The following CACNA2D1 variants were observed in gnomAD, a reference collection of about 807,000 sequenced individuals.
CACNA2D1 encodes the protein calcium voltage-gated channel auxiliary subunit alpha2delta 1.
In CACNA2D1, 53 loss-of-function variants were observed where a neutral mutation model predicts 171.5. The ratio of observed to expected loss-of-function variants is 0.31; its 90% CI spans 0.25 to 0.39. The LOEUF (loss-of-function observed/expected upper bound fraction) is 0.39. Ranked by LOEUF, CACNA2D1 falls within the 10% of genes least tolerant of loss-of-function variation. CACNA2D1 has a pLI of 1.00. For synonymous variants in CACNA2D1, 442 were observed against 443.1 expected, an observed-to-expected ratio of 1.00 and a Z score of 0.03; for missense variants, 903 against 1,299.8, an observed-to-expected ratio of 0.69 and a Z score of 4.69.
intron 4 of CACNA2D1, among the ~76,000 whole-genome samples, chr7:82,166,182 T>C (rs1228019212): frequency 1.3e-5 from 2 of 152,012 alleles, no homozygotes. Flanking sequence ...AATATCAACA[T>C]TTCAAAATAT....
At chr7:82,186,290 A>AAGGAAGGAAGGAAGGAAGGAAGGAAG (rs1797772703) in intron 3 of CACNA2D1, among the ~76,000 whole-genome samples, 92 of 112,398 alleles carry the variant, frequency 8.2e-4, no homozygotes, top group East Asian at 2.6e-3. Flanking sequence ...AAGGAAGGAA[A>AAGGAAGGAAGGAAGGAAGGAAGGAAG]GAAAGGTGGG....
At chr7:82,215,424 G>T (rs2189981) in intron 3 of CACNA2D1, among the ~76,000 whole-genome samples, 40,143 of 151,966 alleles carry the variant, frequency 0.26, 6,527 homozygotes, top group Non-Finnish European at 0.37. Flanking sequence ...AAACCGCAGG[G>T]TGTTTCAGTA....
At chr7:82,039,833 A>G (rs1034884221) in intron 10 of CACNA2D1, among the ~76,000 whole-genome samples, 4 of 152,200 alleles carry the variant, frequency 2.6e-5, no homozygotes, top group African/African-American at 7.2e-5. Flanking sequence ...AAACATAAAG[A>G]GAGTGAGTTT....
chr7:82,299,606 G>A (rs945748968), intron 3 of CACNA2D1, among the ~76,000 whole-genome samples: 9 of 151,198 alleles, frequency 6.0e-5, no homozygotes, highest in African/African-American at 2.2e-4. Flanking sequence ...GTTACACTGA[G>A]CTGAGATCAT....
chr7:82,413,498 C>G (rs983091519), intron 1 of CACNA2D1, among the ~76,000 whole-genome samples: 3 of 152,210 alleles, frequency 2.0e-5, no homozygotes, highest in African/African-American at 7.2e-5. Flanking sequence ...GGCTCTCAAG[C>G]CCCATCATTC....
chr7:82,232,850 C>T (rs1386395159), intron 3 of CACNA2D1, among the ~76,000 whole-genome samples: 3 of 94,882 alleles, frequency 3.2e-5, no homozygotes, highest in African/African-American at 1.3e-4. Context: ...GGCAACAGAG[C>T]GAGATGTCTC....
intron 3 of CACNA2D1, among the ~76,000 whole-genome samples, chr7:82,222,100 G>T (rs1397951988): frequency 6.6e-6 from 1 of 152,132 alleles, no homozygotes; most frequent in African/African-American, 2.4e-5. Flanking sequence ...GCAAAATGGG[G>T]TTTCTGCAGG....
intron 3 of CACNA2D1, among the ~76,000 whole-genome samples, chr7:82,263,321 G>T (rs914838512): frequency 1.3e-5 from 2 of 151,712 alleles, no homozygotes; most frequent in Admixed American, 6.6e-5. Context: ...ATAATGGCCC[G>T]GCTGGTCTCG....
At chr7:82,094,194 G>C (rs182197549) in intron 6 of CACNA2D1, among the ~76,000 whole-genome samples, 63 of 151,188 alleles carry the variant, frequency 4.2e-4, no homozygotes, top group African/African-American at 1.4e-3. Flanking sequence ...CTATAATCAA[G>C]AACAGTGACC....
At chr7:82,023,002 C>T (rs528735000) in intron 12 of CACNA2D1, among the ~76,000 whole-genome samples, 1 of 151,816 alleles carries the variant, frequency 6.6e-6, no homozygotes, top group Non-Finnish European at 1.5e-5. Context: ...TATTTCCTTA[C>T]TGGCTAGGCA....
chr7:82,257,605 T>C (rs143791953), intron 3 of CACNA2D1, among the ~76,000 whole-genome samples: 2 of 152,350 alleles, frequency 1.3e-5, no homozygotes, highest in African/African-American at 4.8e-5. Context: ...TCCAACACTA[T>C]GTAAACCATA....
chr7:82,443,413 G>C lies in CACNA2D1; in HGVS notation c.47C>G (p.Ser16Cys), dbSNP rs1274978372. ...LLALTLTLFQSLLIGPSSEEP... is the reference protein window; with the variant it reads ...LLALTLTLFQCLLIGPSSEEP... ...CTCCGACGAGGGGCCGATGAGCAAA[G>C]ATTGGAAAAGTGTCAGAGTCAAGGC... The change falls in exon 1 of 39, where the codon TCT (serine) becomes TGT (cysteine). Residue 16 changes from serine to cysteine, a missense_variant. Ser to Cys is a moderately radical substitution (Grantham distance 112). Coordinates refer to ENST00000356860, the MANE Select transcript of CACNA2D1 (RefSeq NM_000722.4). 1.2e-6 allele frequency: 2 copies of C among 1,607,076 alleles called. No homozygotes were observed. The highest frequency in any genetic ancestry group is 1.7e-6 in the Non-Finnish European group (2 of 1,176,536).
chr7:82,443,538 A>G lies in CACNA2D1; in HGVS notation c.-79T>C. 6.4e-7 allele frequency: 1 copy of G among 1,555,596 alleles called. No homozygotes were observed. The highest frequency in any genetic ancestry group is 1.9e-5 in the Admixed American group (1 of 51,898). On this transcript the variant is annotated 5_prime_UTR_variant, in exon 1 of 39. Coordinates refer to ENST00000356860, the MANE Select transcript of CACNA2D1 (RefSeq NM_000722.4). ...CGCTGGAAACCGCGGGCGGAGGAAG[A>G]GCAGCACACGCCGCCGGGACCGCGG...
At chr7:82,138,490 A>T (rs1791976842) in intron 4 of CACNA2D1, among the ~76,000 whole-genome samples, 2 of 136,316 alleles carry the variant, frequency 1.5e-5, no homozygotes, top group Non-Finnish European at 3.0e-5. Flanking sequence ...TGTGTCGCCC[A>T]GGCTGGAGTG....
rs780624106 is a variant in CACNA2D1 at position 82,443,484 on chromosome 7, C to G, written c.-25G>C. On this transcript the variant is annotated 5_prime_UTR_variant, in exon 1 of 39. Transcript: ENST00000356860. ...TCTTCGCGATCGAAGATCAATGCCCCCTCCCTGCCCAAGCGGGGGAAGGAG... is the reference window on the plus strand; with the variant it reads ...TCTTCGCGATCGAAGATCAATGCCCGCTCCCTGCCCAAGCGGGGGAAGGAG... The G allele has an allele frequency of 5.6e-6, 9 of 1,602,602 alleles. No homozygotes were observed. Among genetic ancestry groups the G allele is most frequent in the Admixed American group, 1.7e-5 (1 of 59,042 alleles).
At chr7:82,079,777 A>G (rs2129004139) in intron 7 of CACNA2D1, among the ~76,000 whole-genome samples, 1 of 152,110 alleles carries the variant, frequency 6.6e-6, no homozygotes, top group Non-Finnish European at 1.5e-5. Flanking sequence ...CAAGGGAGGA[A>G]GAGATGGGGA....
intron 6 of CACNA2D1, among the ~76,000 whole-genome samples, chr7:82,093,589 A>G (rs1422512923): frequency 6.6e-6 from 1 of 152,130 alleles, no homozygotes; most frequent in Non-Finnish European, 1.5e-5. Context: ...TTCAATTGCT[A>G]TAAGACAATG....
chr7:81,947,628 A>G lies in CACNA2D1; in HGVS notation c.*2764T>C, dbSNP rs1792141198. On this transcript the variant is annotated 3_prime_UTR_variant, in exon 39 of 39. Coordinates refer to ENST00000356860, the MANE Select transcript of CACNA2D1 (RefSeq NM_000722.4). ...ACTAACTACACTAAGCCACATGAGT[A>G]TAACAAAAATTAGTTAAAGCAGTGT... 6.6e-6 allele frequency: 1 copy of G among 152,008 alleles called. No individual in the cohort carries two copies. Among genetic ancestry groups the G allele is most frequent in the Non-Finnish European group, 1.5e-5 (1 of 67,888 alleles). 9.4% of individuals were successfully genotyped at this position (152,008 alleles called of 1,614,324 possible). A position where few individuals can be genotyped will look rare whatever the true frequency, so the allele number is the denominator to read the frequency against.
At chr7:82,286,801 T>C (rs2129387112) in intron 3 of CACNA2D1, among the ~76,000 whole-genome samples, 1 of 152,340 alleles carries the variant, frequency 6.6e-6, no homozygotes, top group Non-Finnish European at 1.5e-5. Flanking sequence ...TTTGCTTCTT[T>C]AGCCAAGTTA....
Sources: allele counts gnomAD v4.1 joint callset (sites outside exome capture counted in the v4.1 genomes callset), GRCh38; gene constraint gnomAD v4.1.1; transcripts MANE v1.5; gene names NCBI Gene and HGNC (gene_info 2026-07-23, HGNC 2026-07-21).